Variants in CD99 observed in about 807,000 individuals in gnomAD.
The protein encoded by CD99 is CD99 antigen.
A neutral mutation model predicts 28.4 loss-of-function variants in CD99; 19 were observed. The observed-to-expected ratio is 0.67, with a 90% CI of 0.47 to 0.98. CD99 has a LOEUF of 0.98. Among genes scored for constraint, CD99 ranks in the 50% least tolerant of loss-of-function variants. CD99 has a pLI of 0.00. For synonymous variants in CD99, 103 were observed against 92.1 expected (o/e 1.12, Z -0.67); for missense variants, 283 against 248.8 (o/e 1.14, Z -0.92).
At chrX:2,725,865 G>A (rs1367531932) in intron 7 of CD99, among the ~76,000 whole-genome samples, 7 of 152,230 alleles carry the variant, frequency 4.6e-5, no homozygotes, top group African/African-American at 1.7e-4. Flanking sequence ...CACCTGCCTC[G>A]GCCTCCCAAA....
intron 8 of CD99, chrX:2,733,451 G>C: frequency 6.8e-7 from 1 of 1,475,384 alleles, no homozygotes; most frequent in Non-Finnish European, 9.3e-7. Flanking sequence ...TAGCCTTAAA[G>C]CAAACCCTTC....
intron 5 of CD99, 150 bp from the exon 6 acceptor site, chrX:2,722,477 C>T (rs949444603): frequency 2.8e-6 from 2 of 725,174 alleles, no homozygotes; most frequent in East Asian, 2.5e-5. Flanking sequence ...CCTGTCACCA[C>T]ATCCAGCTAA....
At chrX:2,717,380 T>A in intron 2 of CD99, 1 of 520,680 alleles carries the variant, frequency 1.9e-6, no homozygotes, top group East Asian at 3.1e-5. Context: ...GAGAAGGGGC[T>A]CCTGGTCTCT....
rs1052481429 is a variant in CD99, at chrX:2,692,086, A to G, written c.67+659A>G. The G allele has an allele frequency of 4.0e-4, 243 of 605,872 alleles. 1 individual carries two copies. The highest frequency in any genetic ancestry group is 3.8e-3 in the African/African-American group (203 of 54,018). 37.5% of individuals were successfully genotyped at this position (605,872 alleles called of 1,614,324 possible). On this transcript the variant is annotated intron_variant, in intron 1 of 9. Coordinates refer to ENST00000381192, the MANE Select transcript of CD99 (RefSeq NM_002414.5). ...TGCGGCGGTGGAGAATTCGGAAAAC[A>G]GAAAAAGTGGGCAGGGAAGAAAGAG... is the stretch of plus-strand genomic sequence containing the variant.
In CD99 at chrX:2,741,184, C is replaced by G. The variant is rs772571293; in HGVS notation, c.*380C>G. 2.4e-4 allele frequency: 61 copies of G among 257,994 alleles called. 1 individual carries two copies. The East Asian group carries it at 3.5e-3, about 15-fold the overall frequency. The allele number at this position is 257,994 out of a possible 1,614,324, so 16.0% of individuals were successfully genotyped here. A position where few individuals can be genotyped will look rare whatever the true frequency, so the allele number is the denominator to read the frequency against. ...TGTCCATCGAGCACGTCTGAAACCC[C>G]TGGTAGCCCCGACTTCTTTTTAATT... On this transcript the variant is annotated 3_prime_UTR_variant, in exon 10 of 10. Transcript: ENST00000381192.
intron 1 of CD99, among the ~76,000 whole-genome samples, chrX:2,709,824 C>A (rs767304991): frequency 6.6e-6 from 1 of 152,142 alleles, no homozygotes; most frequent in Admixed American, 6.5e-5. Flanking sequence ...ACATGAAGAG[C>A]TGTTGAATGC....
At chrX:2,724,874 G>T (rs1298691983) in intron 7 of CD99, among the ~76,000 whole-genome samples, 8 of 149,636 alleles carry the variant, frequency 5.3e-5, no homozygotes, top group African/African-American at 2.0e-4. Flanking sequence ...CTCCAGCCTG[G>T]GTGACAAAGT....
At chrX:2,731,560 G>A (rs1056954468) in intron 8 of CD99, among the ~76,000 whole-genome samples, 8 of 152,176 alleles carry the variant, frequency 5.3e-5, no homozygotes, top group African/African-American at 1.9e-4. Context: ...CTGCACTCCA[G>A]CCTGGGGACA....
intron 1 of CD99, among the ~76,000 whole-genome samples, chrX:2,707,536 A>G (rs1267340760): frequency 6.6e-6 from 1 of 152,122 alleles, no homozygotes; most frequent in African/African-American, 2.4e-5. Context: ...AGAAAAAGTA[A>G]ACATGGTTTG....
At chrX:2,739,921 A>T (rs1169395696) in intron 9 of CD99, among the ~76,000 whole-genome samples, 28 of 65,474 alleles carry the variant, frequency 4.3e-4, no homozygotes, top group African/African-American at 1.3e-3. Context: ...ACTAAAAATT[A>T]AAAAAAAAAA....
intron 1 of CD99, chrX:2,691,787 G>T: frequency 1.3e-6 from 1 of 771,902 alleles, no homozygotes; most frequent in East Asian, 2.4e-5. Flanking sequence ...TCTACCCCCA[G>T]GGTTTGGGGA....
intron 1 of CD99, 49 bp downstream of exon 1, chrX:2,691,476 G>GGGACT (rs1569421126): frequency 3.9e-6 from 6 of 1,539,292 alleles, no homozygotes; most frequent in Non-Finnish European, 5.2e-6. Flanking sequence ...GGCGCGGGCC[G>GGGACT]GGACTGGGGA....
Position 2,717,633 on chromosome X carries a change from C to T in CD99, c.129C>T (p.Ile43=), listed in dbSNP as rs1311408602. ...ATGAAAACAAGAAACCCACTGCAAT[C>T]CCCAAGAAACCCAGTGCTGGTGAGA... ...PDNENKKPTA[I]PKKPSAGDDF... is the part of the protein sequence containing the mutation. Residue 43 remains isoleucine (I), a synonymous_variant, in exon 3 of 10, where the codon ATC becomes ATT. Coordinates refer to ENST00000381192, the MANE Select transcript of CD99 (RefSeq NM_002414.5). 6.2e-7 allele frequency: 1 copy of T among 1,613,644 alleles called. No homozygotes were observed. The highest frequency in any genetic ancestry group is 1.3e-5 in the African/African-American group (1 of 75,028).
chrX:2,718,463 G>A (rs911002585), intron 3 of CD99, among the ~76,000 whole-genome samples: 2 of 151,930 alleles, frequency 1.3e-5, no homozygotes, highest in African/African-American at 4.8e-5. Flanking sequence ...CCGCTTCCTG[G>A]GTTCACACCA....
At chrX:2,707,329 C>CAAAAGAA (rs1556308014) in intron 1 of CD99, among the ~76,000 whole-genome samples, 2 of 149,186 alleles carry the variant, frequency 1.3e-5, no homozygotes, top group Non-Finnish European at 3.0e-5. Context: ...AACTCTGCCT[C>CAAAAGAA]AAAAGAAAAG....
chrX:2,734,665 T>C (rs1437498021), intron 8 of CD99, among the ~76,000 whole-genome samples: 2 of 151,574 alleles, frequency 1.3e-5, no homozygotes, highest in Admixed American at 6.6e-5. Context: ...GTTTTCCTTT[T>C]TGCTTTTTCT....
intron 1 of CD99, among the ~76,000 whole-genome samples, chrX:2,710,726 G>A (rs1038450882): frequency 6.6e-6 from 1 of 152,020 alleles, no homozygotes; most frequent in African/African-American, 2.4e-5. Context: ...CACGTCTACC[G>A]CTGAGGCACT....
chrX:2,734,008 G>A (rs2049808839), intron 8 of CD99, among the ~76,000 whole-genome samples: 1 of 152,184 alleles, frequency 6.6e-6, no homozygotes. Context: ...TGTAAGGCGT[G>A]TTGGGAATTG....
intron 2 of CD99, among the ~76,000 whole-genome samples, chrX:2,716,230 G>C (rs2048707318): frequency 6.6e-6 from 1 of 152,106 alleles, no homozygotes; most frequent in South Asian, 2.1e-4. Context: ...TGTTGGTCAG[G>C]CTGGTTTCGA....
Sources: allele counts gnomAD v4.1 joint callset (sites outside exome capture counted in the v4.1 genomes callset), GRCh38; gene constraint gnomAD v4.1.1; transcripts MANE v1.5; gene names NCBI Gene and HGNC (gene_info 2026-07-23, HGNC 2026-07-21).